P2RY12: variants seen among roughly 807,000 people sequenced by gnomAD.
P2RY12 encodes the protein P2Y purinoceptor 12.
P2RY12 carries 3 observed loss-of-function variants against 4.5 expected under a neutral mutation model. That is an observed-to-expected ratio of 0.67 (90% CI 0.31 to 1.74). P2RY12 has a LOEUF of 1.74. Among genes scored for constraint, P2RY12 ranks in the 40% most tolerant of loss-of-function variants. The probability of loss-of-function intolerance (pLI) is 0.09; values close to 1 mark genes in which losing one functional copy is unlikely to be tolerated. For synonymous variants in P2RY12, 148 were observed against 154.1 expected (o/e 0.96, Z 0.29); for missense variants, 356 against 407.8 (o/e 0.87, Z 1.09).
intron 1 of P2RY12, among the ~76,000 whole-genome samples, chr3:151,354,854 C>G (rs531454927): frequency 3.6e-4 from 54 of 152,014 alleles, no homozygotes; most frequent in African/African-American, 1.2e-3. Flanking sequence ...TATAAAGTTC[C>G]AGTGTAGGCA....
At chr3:151,368,106 C>T (rs1755513009) in intron 1 of P2RY12, 1 of 1,474,182 alleles carries the variant, frequency 6.8e-7, no homozygotes, top group Non-Finnish European at 9.5e-7. Flanking sequence ...GGACTTGTTC[C>T]CAAGTGTGTT....
At chr3:151,374,316 G>A (rs1756556469) in intron 1 of P2RY12, among the ~76,000 whole-genome samples, 1 of 152,196 alleles carries the variant, frequency 6.6e-6, no homozygotes, top group Non-Finnish European at 1.5e-5. Flanking sequence ...GGGAGGCTGA[G>A]GCAGGTGGAT....
chr3:151,344,163 A>G (rs1196305540), intron 1 of P2RY12, among the ~76,000 whole-genome samples: 2 of 152,058 alleles, frequency 1.3e-5, no homozygotes, highest in African/African-American at 2.4e-5. Flanking sequence ...TTGCAAGAAG[A>G]GGACTAGTAG....
intron 1 of P2RY12, chr3:151,379,998 G>T: frequency 1.2e-4 from 70 of 604,224 alleles, no homozygotes; most frequent in East Asian, 2.5e-4. Flanking sequence ...AGCAGTCTTT[G>T]GCTATTTACC....
At chr3:151,350,936 G>A (rs1753158946) in intron 1 of P2RY12, among the ~76,000 whole-genome samples, 1 of 152,142 alleles carries the variant, frequency 6.6e-6, no homozygotes, top group African/African-American at 2.4e-5. Context: ...ATTTCATTAG[G>A]CAATCAAATT....
At chr3:151,346,882 A>C (rs1752612648) in intron 1 of P2RY12, among the ~76,000 whole-genome samples, 1 of 152,170 alleles carries the variant, frequency 6.6e-6, no homozygotes, top group Non-Finnish European at 1.5e-5. Context: ...TTGCAATTAC[A>C]TGTAAATTCA....
At chr3:151,366,054 C>T in intron 1 of P2RY12, 2 of 1,323,854 alleles carry the variant, frequency 1.5e-6, no homozygotes, top group Admixed American at 2.7e-5. Flanking sequence ...AGTGGGTAAT[C>T]TTTTTGCTTT....
At chr3:151,368,392 C>T in intron 1 of P2RY12, 2 of 693,478 alleles carry the variant, frequency 2.9e-6, no homozygotes, top group Non-Finnish European at 5.1e-6. Flanking sequence ...TGAGATGATA[C>T]TATTCATTGA....
intron 1 of P2RY12, among the ~76,000 whole-genome samples, chr3:151,344,002 T>C (rs1752229932): frequency 6.6e-6 from 1 of 152,182 alleles, no homozygotes; most frequent in African/African-American, 2.4e-5. Flanking sequence ...TCATGTCTGC[T>C]AGCTTGGCTT....
intron 1 of P2RY12, among the ~76,000 whole-genome samples, chr3:151,381,433 C>T (rs1439541859): frequency 6.6e-6 from 1 of 152,168 alleles, no homozygotes; most frequent in African/African-American, 2.4e-5. Flanking sequence ...TCTCTCCTAC[C>T]TTGTCTCCTA....
intron 1 of P2RY12, among the ~76,000 whole-genome samples, chr3:151,368,902 T>C (rs1003888576): frequency 2.0e-5 from 3 of 151,436 alleles, no homozygotes; most frequent in African/African-American, 7.3e-5. Flanking sequence ...GCTGGGACTA[T>C]AGGCATGCAC....
At position 151,338,419 on chromosome 3, in the gene P2RY12, T is replaced by C. The variant is rs1306756787; in HGVS notation, c.427A>G (p.Ile143Val). The C allele has an allele frequency of 2.5e-6, 4 of 1,614,062 alleles. No individual in the cohort carries two copies. The South Asian group carries it at 4.4e-5, about 18-fold the overall frequency. The change falls in exon 3 of 3, where the codon ATT (isoleucine) becomes GTT (valine). Residue 143 changes from isoleucine (I) to valine (V), a missense_variant. Transcript: ENST00000302632. ...AATGCCCAGATGACAACAGAGAGAATCTTAGCCCCCAAGAGATTTTTGGGG... is the reference window on the plus strand; with the variant it reads ...AATGCCCAGATGACAACAGAGAGAACCTTAGCCCCCAAGAGATTTTTGGGG... ...SNPKNLLGAKILSVVIWAFMF... is the reference protein window; with the variant it reads ...SNPKNLLGAKVLSVVIWAFMF...
chr3:151,373,800 G>A (rs898050510), intron 1 of P2RY12, among the ~76,000 whole-genome samples: 1 of 151,980 alleles, frequency 6.6e-6, no homozygotes, highest in Non-Finnish European at 1.5e-5. Context: ...GGCCCATGTT[G>A]TACTTTCTCT....
chr3:151,347,189 C>A (rs1169532690), intron 1 of P2RY12, among the ~76,000 whole-genome samples: 1 of 152,148 alleles, frequency 6.6e-6, no homozygotes, highest in Non-Finnish European at 1.5e-5. Flanking sequence ...ATCTCCCCTT[C>A]ATTTTTCTCA....
chr3:151,348,195 T>G (rs1752760680), intron 1 of P2RY12, among the ~76,000 whole-genome samples: 1 of 152,106 alleles, frequency 6.6e-6, no homozygotes, highest in African/African-American at 2.4e-5. Context: ...AGCCTTCACA[T>G]GGACATTTAC....
Position 151,337,890 on chromosome 3 carries a change from G to A in P2RY12, c.956C>T (p.Ala319Val). 1.9e-6 allele frequency: 3 copies of A among 1,614,124 alleles called. No individual in the cohort carries two copies. Among genetic ancestry groups the A allele is most frequent in the East Asian group, 2.2e-5 (1 of 44,892 alleles). ...LISMLKCPNS[A>V]TSLSQDNRKK... ...CCTATTGTCCTGGGACAGAGATGTT[G>A]CAGAATTGGGGCACTTCAGCATACT... is the stretch of plus-strand genomic sequence containing the variant. The change falls in exon 3 of 3, where the codon GCA (alanine) becomes GTA (valine). Residue 319 changes from alanine (A) to valine (V), a missense_variant. Coordinates refer to ENST00000302632, the MANE Select transcript of P2RY12 (RefSeq NM_022788.5).
At chr3:151,350,517 T>C (rs1309242560) in intron 1 of P2RY12, among the ~76,000 whole-genome samples, 1 of 152,164 alleles carries the variant, frequency 6.6e-6, no homozygotes, top group Non-Finnish European at 1.5e-5. Context: ...ATAGTAGTAA[T>C]AAATGAAGTA....
At position 151,384,243 on chromosome 3, in the gene P2RY12, A is replaced by G. The variant is rs753903811; in HGVS notation, c.-180+449T>C. The G allele has an allele frequency of 3.2e-6, 5 of 1,580,250 alleles. No individual in the cohort carries two copies. The South Asian group carries it at 5.9e-5, about 19-fold the overall frequency. Reference sequence around the variant, plus strand: ...AGTAAGTTTGAGATCAGCCTGTATTATGAGCTCAAGTTGTTTATGGATTTA... The same window carrying G: ...AGTAAGTTTGAGATCAGCCTGTATTGTGAGCTCAAGTTGTTTATGGATTTA... On this transcript the variant is annotated intron_variant, in intron 1 of 2. Coordinates refer to ENST00000302632, the MANE Select transcript of P2RY12 (RefSeq NM_022788.5).
chr3:151,375,457 A>G lies in P2RY12; in HGVS notation c.-180+9235T>C, dbSNP rs575620921. 4.6e-5 allele frequency among the ~76,000 whole-genome samples: 7 copies of G among 152,290 alleles called. No individual in the cohort carries two copies. In the South Asian group the frequency reaches 1.4e-3, roughly 32 times the overall value. ...AGAGGGTCATTAACCCCATGCATCT[A>G]TAGCCCCCCACTCACACTGGACCCA... On this transcript the variant is annotated intron_variant, in intron 1 of 2. Transcript: ENST00000302632.
Sources: allele counts gnomAD v4.1 joint callset (sites outside exome capture counted in the v4.1 genomes callset), GRCh38; gene constraint gnomAD v4.1.1; transcripts MANE v1.5; gene names NCBI Gene and HGNC (gene_info 2026-07-23, HGNC 2026-07-21).